FOXP2: variants seen among roughly 807,000 people sequenced by gnomAD.
FOXP2 encodes forkhead box protein P2.
FOXP2 carries 12 observed loss-of-function variants against 115.8 expected under a neutral mutation model. The ratio of observed to expected loss-of-function variants is 0.10; its 90% CI spans 0.07 to 0.17. The LOEUF is 0.17. FOXP2 is among the 10% of genes least tolerant of loss of function. The pLI is 1.00. For synonymous variants in FOXP2, 328 were observed against 297.7 expected (o/e 1.10, Z -1.05); for missense variants, 629 against 843.5 (o/e 0.75, Z 3.15).
At chr7:114,565,610 G>T (rs977170153) in intron 3 of FOXP2, among the ~76,000 whole-genome samples, 1 of 152,116 alleles carries the variant, frequency 6.6e-6, no homozygotes, top group African/African-American at 2.4e-5. Context: ...AGTCAGATAT[G>T]TGATACACAG....
At chr7:114,424,781 AATT>A (rs1275108091) in intron 1 of FOXP2, among the ~76,000 whole-genome samples, 1 of 151,544 alleles carries the variant, frequency 6.6e-6, no homozygotes, top group African/African-American at 2.4e-5. Context: ...TAGTTACAGC[AATT>A]ATTTCCTTTC....
At chr7:114,394,726 A>G (rs1792697881) in intron 2 of FOXP2, among the ~76,000 whole-genome samples, 1 of 152,134 alleles carries the variant, frequency 6.6e-6, no homozygotes, top group African/African-American at 2.4e-5. Context: ...AGACAACCAA[A>G]ATTAAGGGAC....
chr7:114,690,490 G>A lies in FOXP2; in HGVS notation c.*564G>A. The A allele has an allele frequency of 2.2e-6, 1 of 453,936 alleles. No individual in the cohort carries two copies. Among genetic ancestry groups the A allele is most frequent in the South Asian group, 1.6e-5 (1 of 64,478 alleles). The allele number at this position is 453,936 out of a possible 1,614,324, so 28.1% of individuals were successfully genotyped here. The stretch of plus-strand genomic sequence containing the variant: ...AAACAACAGAACATTAGTTTTTTAT[G>A]TTGGTGCCACCAACTGTAAATGACA... On this transcript the variant is annotated 3_prime_UTR_variant, in exon 17 of 17. Coordinates refer to ENST00000350908, the MANE Select transcript of FOXP2 (RefSeq NM_014491.4).
At chr7:114,589,286 T>C (rs1584929098) in intron 3 of FOXP2, among the ~76,000 whole-genome samples, 1 of 152,306 alleles carries the variant, frequency 6.6e-6, no homozygotes, top group Non-Finnish European at 1.5e-5. Flanking sequence ...GTTCAATATA[T>C]GGAGTAGCCT....
intron 13 of FOXP2, among the ~76,000 whole-genome samples, chr7:114,660,959 G>T (rs1469771494): frequency 6.6e-6 from 1 of 151,350 alleles, no homozygotes; most frequent in East Asian, 1.9e-4. Flanking sequence ...CTGCTCATTT[G>T]CTCATTAATA....
intron 1 of FOXP2, among the ~76,000 whole-genome samples, chr7:114,415,825 A>G (rs185349767): frequency 8.6e-5 from 13 of 151,842 alleles, no homozygotes; most frequent in African/African-American, 2.9e-4. Flanking sequence ...ATTTTGTGCT[A>G]AAGGGGAAAC....
chr7:114,692,887 A>G lies in FOXP2; in HGVS notation c.*2961A>G, dbSNP rs1341064961. 1.1e-5 allele frequency: 5 copies of G among 454,014 alleles called. No individual in the cohort carries two copies. Among genetic ancestry groups the G allele is most frequent in the Non-Finnish European group, 2.2e-5 (5 of 226,652 alleles). 28.1% of individuals were successfully genotyped at this position (454,014 alleles called of 1,614,324 possible). On this transcript the variant is annotated 3_prime_UTR_variant, in exon 17 of 17. Coordinates refer to ENST00000350908, the MANE Select transcript of FOXP2 (RefSeq NM_014491.4). ...TTTCATTACTGTGTACTATGTTCAT[A>G]CTTTGAATTCTCTGACGTTAGAAGT...
chr7:114,303,021 C>T lies in FOXP2; in HGVS notation c.-11+14912C>T, dbSNP rs1796912839. On this transcript the variant is annotated intron_variant, in intron 2 of 17. Coordinates refer to the FOXP2 transcript ENST00000634411. Reference sequence around the variant, plus strand: ...TACCTTAACTGCAATCTTGTGAGAGCCCGAGCAGATGACTCAGCTAAGCTA... The same window carrying T: ...TACCTTAACTGCAATCTTGTGAGAGTCCGAGCAGATGACTCAGCTAAGCTA... 2.0e-5 allele frequency among the ~76,000 whole-genome samples: 3 copies of T among 152,206 alleles called. 1 individual carries two copies. The South Asian group carries it at 6.2e-4, about 32-fold the overall frequency.
chr7:114,626,714 GAA>G lies in FOXP2; in HGVS notation c.259-1823_259-1822del, dbSNP rs1804613673. 6.0e-5 allele frequency among the ~76,000 whole-genome samples: 9 copies of G among 151,260 alleles called. No individual in the cohort carries two copies. The South Asian group carries it at 1.9e-3, about 32-fold the overall frequency. On this transcript the variant is annotated intron_variant, in intron 3 of 16. Coordinates refer to ENST00000350908, the MANE Select transcript of FOXP2 (RefSeq NM_014491.4). ...AGTATGAGGTAAATGATTGTTCGAA[GAA>G]AAGACATTTTTGTAGATTGATACAT...
At chr7:114,136,695 G>A (rs1424016699) in intron 1 of FOXP2, among the ~76,000 whole-genome samples, 2 of 151,084 alleles carry the variant, frequency 1.3e-5, no homozygotes, top group Non-Finnish European at 3.0e-5. Context: ...AAAAAAAAAA[G>A]ATCATTTAAA....
intron 3 of FOXP2, among the ~76,000 whole-genome samples, chr7:114,575,336 C>T (rs890674815): frequency 4.6e-5 from 7 of 151,770 alleles, no homozygotes; most frequent in Non-Finnish European, 1.0e-4. Flanking sequence ...TCTGTAATAG[C>T]ATCAATATAC....
At chr7:114,239,305 G>A (rs1372951102) in intron 1 of FOXP2, among the ~76,000 whole-genome samples, 1 of 152,154 alleles carries the variant, frequency 6.6e-6, no homozygotes, top group East Asian at 1.9e-4. Flanking sequence ...AATTTAAGGA[G>A]TAAATGTGAA....
chr7:114,689,349 A>G (rs768097737), intron 16 of FOXP2, among the ~76,000 whole-genome samples: 1 of 152,184 alleles, frequency 6.6e-6, no homozygotes, highest in Non-Finnish European at 1.5e-5. Context: ...TAAAATTGTT[A>G]AACTCAAGTC....
Position 114,689,821 on chromosome 7 carries a change from G to A in FOXP2, c.2043G>A (p.Glu681=), listed in dbSNP as rs1303320284. 2 of 1,613,440 alleles carry A rather than the reference G, an allele frequency of 1.2e-6. No homozygotes were observed. The highest frequency in any genetic ancestry group is 1.7e-6 in the Non-Finnish European group (2 of 1,179,558). The change falls in exon 17 of 17, where the codon GAG becomes GAA. Residue 681 remains glutamate (E), a synonymous_variant. Coordinates refer to ENST00000350908, the MANE Select transcript of FOXP2 (RefSeq NM_014491.4). ...TCAAGGAAGAGCCAGTGATTGCAGA[G>A]GATGAAGACTGCCCAATGTCCTTAG... ...IHVKEEPVIA[E]DEDCPMSLVT... is the part of the protein sequence containing the mutation.
intron 1 of FOXP2, among the ~76,000 whole-genome samples, chr7:114,116,584 A>C (rs1396207631): frequency 6.6e-6 from 1 of 152,126 alleles, no homozygotes; most frequent in African/African-American, 2.4e-5. Flanking sequence ...ATAAAGATTG[A>C]CTCCAATTCA....
At chr7:114,383,775 G>T (rs928805408) in intron 2 of FOXP2, among the ~76,000 whole-genome samples, 2 of 151,740 alleles carry the variant, frequency 1.3e-5, no homozygotes, top group Admixed American at 6.6e-5. Flanking sequence ...TTTTGCCTTG[G>T]GGGGAACATT....
intron 1 of FOXP2, among the ~76,000 whole-genome samples, chr7:114,187,036 A>G (rs1427977482): frequency 6.6e-6 from 1 of 152,194 alleles, no homozygotes; most frequent in African/African-American, 2.4e-5. Flanking sequence ...AAAATCTCCA[A>G]GATGCTTTCA....
intron 2 of FOXP2, among the ~76,000 whole-genome samples, chr7:114,394,174 G>C (rs957810379): frequency 6.6e-6 from 1 of 152,014 alleles, no homozygotes; most frequent in Admixed American, 6.6e-5. Flanking sequence ...GACAGGGAAA[G>C]TATAAAATAA....
At chr7:114,450,990 G>T (rs1294834510) in intron 2 of FOXP2, among the ~76,000 whole-genome samples, 1 of 151,900 alleles carries the variant, frequency 6.6e-6, no homozygotes, top group East Asian at 1.9e-4. Context: ...AATGAGAAAA[G>T]CTTACTCTTA....
Sources: allele counts gnomAD v4.1 joint callset (sites outside exome capture counted in the v4.1 genomes callset), GRCh38; gene constraint gnomAD v4.1.1; transcripts MANE v1.5; gene names NCBI Gene and HGNC (gene_info 2026-07-23, HGNC 2026-07-21).